DISC1: variants seen among roughly 807,000 people sequenced by gnomAD.
DISC1 encodes disrupted in schizophrenia 1 protein.
Under a neutral mutation model 84.5 loss-of-function variants are expected in DISC1, and 57 were observed. The observed-to-expected ratio is 0.67, with a 90% CI of 0.55 to 0.84. The LOEUF (loss-of-function observed/expected upper bound fraction) is 0.84, where lower values mean the gene tolerates loss of function less well. DISC1 is among the 40% of genes least tolerant of loss of function. The probability of loss-of-function intolerance (pLI) is 0.00; values close to 1 mark genes in which losing one functional copy is unlikely to be tolerated. For synonymous variants in DISC1, 411 were observed against 415.2 expected (o/e 0.99, Z 0.12); for missense variants, 1,000 against 1,057.8 (o/e 0.95, Z 0.76).
In DISC1 at chr1:231,626,822, G is replaced by A. The variant is rs1218256350; in HGVS notation, c.-46G>A. The A allele has an allele frequency of 1.4e-6, 2 of 1,386,990 alleles. No homozygotes were observed. Among genetic ancestry groups the A allele is most frequent in the South Asian group, 1.5e-5 (1 of 65,656 alleles). The allele number at this position is 1,386,990 out of a possible 1,614,324, so 85.9% of individuals were successfully genotyped here. A position where few individuals can be genotyped will look rare whatever the true frequency, so the allele number is the denominator to read the frequency against. On this transcript the variant is annotated 5_prime_UTR_variant, in exon 1 of 13. Transcript: ENST00000439617. ...CCCCGCCTCTGGCCTCGGGGAAGGA[G>A]CAGGAGGCAGCCCAGGCGGAGCGGG...
chr1:231,934,923 G>A (rs934344027), intron 9 of DISC1, among the ~76,000 whole-genome samples: 2 of 152,260 alleles, frequency 1.3e-5, no homozygotes, highest in African/African-American at 4.8e-5. Flanking sequence ...CCGAAGAAAG[G>A]GTTTATCTCA....
At chr1:231,889,775 TTC>T (rs146471841) in intron 9 of DISC1, among the ~76,000 whole-genome samples, 53 of 148,930 alleles carry the variant, frequency 3.6e-4, no homozygotes, top group Admixed American at 6.7e-4. Flanking sequence ...ACTGCCCTTA[TTC>T]TCTCTCTCTC....
chr1:231,792,626 T>TGCC (rs2078435591), intron 6 of DISC1, among the ~76,000 whole-genome samples: 1 of 152,224 alleles, frequency 6.6e-6, no homozygotes. Context: ...AGGAAGGTTT[T>TGCC]CAGTTTGGGC....
At chr1:231,684,267 G>A (rs1283289138) in intron 1 of DISC1, among the ~76,000 whole-genome samples, 2 of 151,922 alleles carry the variant, frequency 1.3e-5, no homozygotes, top group Non-Finnish European at 2.9e-5. Context: ...TCAGTCTTCT[G>A]AGTAGCTGGG....
intron 3 of DISC1, among the ~76,000 whole-genome samples, chr1:231,704,632 C>A (rs1014399240): frequency 2.6e-5 from 4 of 151,702 alleles, no homozygotes; most frequent in Non-Finnish European, 5.9e-5. Context: ...TGGTGGCAGG[C>A]GCCTGTAGTC....
At chr1:231,794,063 C>T (rs564442626) in intron 6 of DISC1, among the ~76,000 whole-genome samples, 130 of 152,246 alleles carry the variant, frequency 8.5e-4, no homozygotes, top group African/African-American at 3.0e-3. Context: ...GAATTACAGG[C>T]GTGAGCCACC....
chr1:231,987,004 A>G (rs1664540228), intron 10 of DISC1, among the ~76,000 whole-genome samples: 1 of 152,172 alleles, frequency 6.6e-6, no homozygotes, highest in Admixed American at 6.5e-5. Context: ...CAACAGGGTA[A>G]TTACTTTCTC....
At chr1:231,833,999 C>G (rs1054013128) in intron 9 of DISC1, among the ~76,000 whole-genome samples, 4 of 152,110 alleles carry the variant, frequency 2.6e-5, no homozygotes, top group Non-Finnish European at 5.9e-5. Context: ...TGTAAAGTGT[C>G]TCAGGGTTGC....
At chr1:231,880,182 GTA>G (rs2086193297) in intron 9 of DISC1, among the ~76,000 whole-genome samples, 1 of 152,190 alleles carries the variant, frequency 6.6e-6, no homozygotes, top group Non-Finnish European at 1.5e-5. Context: ...CCTGTATGTA[GTA>G]TATTAGCATG....
intron 9 of DISC1, among the ~76,000 whole-genome samples, chr1:231,945,454 T>C (rs889970092): frequency 2.0e-5 from 3 of 152,068 alleles, no homozygotes; most frequent in Non-Finnish European, 2.9e-5. Flanking sequence ...CTGGGACACA[T>C]TTAAAACAGT....
intron 6 of DISC1, among the ~76,000 whole-genome samples, chr1:231,779,002 G>T (rs1178885313): frequency 6.6e-6 from 1 of 152,068 alleles, no homozygotes; most frequent in Non-Finnish European, 1.5e-5. Context: ...GAGATCATAA[G>T]AACTGATGGA....
At chr1:231,968,251 A>G (rs985094249) in intron 10 of DISC1, among the ~76,000 whole-genome samples, 4 of 152,164 alleles carry the variant, frequency 2.6e-5, no homozygotes, top group Admixed American at 6.5e-5. Flanking sequence ...GGAGAGAGAA[A>G]GCAGAGTTCC....
At chr1:231,653,822 G>T (rs1274281565) in intron 1 of DISC1, among the ~76,000 whole-genome samples, 1 of 152,118 alleles carries the variant, frequency 6.6e-6, no homozygotes, top group African/African-American at 2.4e-5. Flanking sequence ...GATGACTTAT[G>T]AACTAGAAGA....
chr1:231,819,026 T>A (rs202227785), intron 9 of DISC1: 1 of 992,738 alleles, frequency 1.0e-6, no homozygotes, highest in Non-Finnish European at 1.2e-6. Flanking sequence ...TGTCTGCTTG[T>A]CAGAGGAGTT....
At chr1:231,910,335 C>T (rs2089089844) in intron 9 of DISC1, among the ~76,000 whole-genome samples, 1 of 152,208 alleles carries the variant, frequency 6.6e-6, no homozygotes, top group Non-Finnish European at 1.5e-5. Context: ...TCCCTCTACA[C>T]ACTGCTTTAA....
intron 1 of DISC1, among the ~76,000 whole-genome samples, chr1:231,651,055 T>A (rs2060581613): frequency 6.6e-6 from 1 of 152,184 alleles, no homozygotes; most frequent in Non-Finnish European, 1.5e-5. Context: ...CCTTCTGAAG[T>A]CTACTTGTGT....
chr1:231,884,401 TC>T (rs2086525842), intron 9 of DISC1, among the ~76,000 whole-genome samples: 2 of 152,204 alleles, frequency 1.3e-5, no homozygotes, highest in South Asian at 4.1e-4. Context: ...TCCAGCTCCA[TC>T]CATGCTGCTA....
chr1:231,993,667 G>A (rs941965262), intron 10 of DISC1, among the ~76,000 whole-genome samples: 1 of 152,138 alleles, frequency 6.6e-6, no homozygotes. Context: ...TAGAGGAGTT[G>A]AGGAGTTGGC....
intron 1 of DISC1, among the ~76,000 whole-genome samples, chr1:231,641,367 C>T (rs897515400): frequency 1.3e-5 from 2 of 152,010 alleles, no homozygotes; most frequent in Admixed American, 6.6e-5. Flanking sequence ...TGCGGACCTT[C>T]GCGGTGAGTG....
Sources: gnomAD v4.1 joint callset for allele counts (sites outside exome capture counted in the v4.1 genomes callset) on GRCh38, gnomAD v4.1.1 for gene constraint, MANE v1.5 for transcripts, NCBI Gene and HGNC (gene_info 2026-07-23, HGNC 2026-07-21) for gene names.